The following CTTN variants were observed in gnomAD, a reference collection of about 807,000 sequenced individuals.
The protein encoded by CTTN is cortactin.
CTTN carries 28 observed loss-of-function variants against 84.0 expected under a neutral mutation model. That is an observed-to-expected ratio of 0.33 (90% CI 0.25 to 0.46). CTTN has a LOEUF of 0.46. Among genes scored for constraint, CTTN ranks in the 20% least tolerant of loss-of-function variants. CTTN has a pLI of 1.00. For missense variants in CTTN, 641 were observed against 723.8 expected (o/e 0.89, Z 1.31); for synonymous variants, 301 against 288.8 (o/e 1.04, Z -0.43).
intron 13 of CTTN, 31 bp downstream of exon 13, chr11:70,425,432 G>A: frequency 1.9e-6 from 3 of 1,575,462 alleles, no homozygotes; most frequent in Non-Finnish European, 2.6e-6. Context: ...GGAGCACCGT[G>A]TGGTTTCCCA....
intron 2 of CTTN, 47 bp from the exon 3 acceptor site, chr11:70,407,251 G>T: frequency 1.3e-6 from 2 of 1,508,764 alleles, no homozygotes; most frequent in African/African-American, 1.4e-5. Context: ...TGGCCTCTGT[G>T]GATGGCGCCC....
intron 5 of CTTN, chr11:70,410,320 A>G (rs1463047111): frequency 4.9e-6 from 1 of 202,646 alleles, no homozygotes; most frequent in African/African-American, 2.3e-5. Context: ...AAGTCATGCC[A>G]GTCCGAAGAC....
At chr11:70,428,627 T>G (rs190603734) in intron 13 of CTTN, among the ~76,000 whole-genome samples, 2 of 152,322 alleles carry the variant, frequency 1.3e-5, no homozygotes, top group East Asian at 3.9e-4. Flanking sequence ...TTTTCCATTT[T>G]TGTCACACAC....
intron 13 of CTTN, among the ~76,000 whole-genome samples, chr11:70,426,645 C>T (rs928335036): frequency 1.3e-5 from 2 of 150,646 alleles, no homozygotes; most frequent in Admixed American, 1.3e-4. Flanking sequence ...TGCAGTGGCG[C>T]GGACTCGGCT....
intron 1 of CTTN, among the ~76,000 whole-genome samples, chr11:70,404,314 T>C (rs968253548): frequency 6.6e-6 from 1 of 152,170 alleles, no homozygotes; most frequent in South Asian, 2.1e-4. Flanking sequence ...TTCGTCCATG[T>C]GTGTTGTCTA....
rs528954960 is a variant in CTTN at position 70,420,225 on chromosome 11, G to A, written c.680-175G>A. The A allele has an allele frequency of 3.4e-5, 21 of 621,136 alleles. No individual in the cohort carries two copies. In the South Asian group the frequency reaches 3.7e-4, roughly 11 times the overall value. The allele number at this position is 621,136 out of a possible 1,614,324, so 38.5% of individuals were successfully genotyped here. On this transcript the variant is annotated intron_variant, in intron 9 of 17. Coordinates refer to ENST00000301843, the MANE Select transcript of CTTN (RefSeq NM_005231.4). Reference sequence around the variant, plus strand: ...GAGGTCATAGACTAGGTTATTTCCTGCCACTCTCCAAGGAGGGCCTCTTCA... The same window carrying A: ...GAGGTCATAGACTAGGTTATTTCCTACCACTCTCCAAGGAGGGCCTCTTCA...
intron 2 of CTTN, among the ~76,000 whole-genome samples, chr11:70,405,706 T>C (rs11236166): frequency 0.31 from 46,557 of 152,012 alleles, 8,605 homozygotes; most frequent in African/African-American, 0.52. Context: ...GGTGAAGCTG[T>C]GTCCGGGAAG....
Position 70,407,598 on chromosome 11 carries a change from G to A in CTTN, c.161+7G>A, listed in dbSNP as rs752516344. The A allele has an allele frequency of 4.3e-6, 7 of 1,612,660 alleles. No homozygotes were observed. In the African/African-American group the frequency reaches 9.3e-5, roughly 22 times the overall value. ...GGCACCAGGAGCATATCAAGTAAGA[G>A]GCGTCGCCACCACCCTCCCGAGGGC... On this transcript the variant is annotated splice_region_variant and intron_variant, in intron 4 of 17. Transcript: ENST00000301843.
chr11:70,414,686 G>C (rs534738862), intron 6 of CTTN, 34 bp downstream of exon 6: 2 of 1,495,576 alleles, frequency 1.3e-6, no homozygotes, highest in Non-Finnish European at 1.9e-6. Context: ...GGGGCAGGTT[G>C]GGGCAAGGGG....
chr11:70,415,752 G>T, intron 7 of CTTN, 35 bp downstream of exon 7: 1 of 1,609,608 alleles, frequency 6.2e-7, no homozygotes, highest in South Asian at 1.1e-5. Flanking sequence ...AGCCCGCTCC[G>T]GGGGCCCCGA....
In CTTN at chr11:70,435,124, G is replaced by C; in HGVS notation, c.1615G>C (p.Gly539Arg). The part of the protein sequence containing the change: ...WWRGVCKGRY[G>R]LFPANYVELR... ...GCGCGGGGTGTGCAAGGGCCGGTAC[G>C]GGCTCTTCCCAGCCAACTATGTGGA... is the stretch of plus-strand genomic sequence containing the variant. Residue 539 changes from glycine (G) to arginine (R), a missense_variant, in exon 18 of 18, where the codon GGG (glycine) becomes CGG (arginine). Coordinates refer to ENST00000301843, the MANE Select transcript of CTTN (RefSeq NM_005231.4). 1 of 1,613,308 alleles carries C rather than the reference G, an allele frequency of 6.2e-7. No individual in the cohort carries two copies. Among genetic ancestry groups the C allele is most frequent in the Non-Finnish European group, 8.5e-7 (1 of 1,179,938 alleles).
intron 2 of CTTN, 141 bp downstream of exon 2, chr11:70,405,502 A>G (rs760114171): frequency 6.6e-6 from 1 of 152,208 alleles, no homozygotes; most frequent in South Asian, 2.1e-4. Flanking sequence ...AGGAAATTTC[A>G]TTGTTTAAAA....
rs745655495 is a variant in CTTN, at chr11:70,425,336, C to T, written c.962C>T (p.Ala321Val). The T allele has an allele frequency of 8.7e-6, 14 of 1,611,706 alleles. No homozygotes were observed. The highest frequency in any genetic ancestry group is 2.2e-5 in the East Asian group (1 of 44,874). Reference protein sequence around the residue: ...GVQKDRMDKNASTFEDVTQVS... With the variant: ...GVQKDRMDKNVSTFEDVTQVS... ...GCCCATGTCCTGTCTCTGCAGAATG[C>T]GTCAACCTTTGAGGATGTCACCCAG... Residue 321 changes from alanine (A) to valine (V), a missense_variant, in exon 13 of 18, where the codon GCG (alanine) becomes GTG (valine). This residue lies in a region of CTTN where 289 missense variants were observed against 273.1 expected (regional missense o/e 1.06). Coordinates refer to ENST00000301843, the MANE Select transcript of CTTN (RefSeq NM_005231.4).
chr11:70,414,515 A>G, intron 5 of CTTN, 27 bp from the exon 6 acceptor site: 1 of 1,558,764 alleles, frequency 6.4e-7, no homozygotes, highest in Non-Finnish European at 8.8e-7. Context: ...TTGGTGTCTA[A>G]TGCTTTGTGT....
chr11:70,431,274 C>G lies in CTTN; in HGVS notation c.1260C>G (p.Val420=). 2 of 1,614,138 alleles carry G rather than the reference C, an allele frequency of 1.2e-6. No homozygotes were observed. The highest frequency in any genetic ancestry group is 2.2e-5 in the East Asian group (1 of 44,868). ...PTEERLPSSP[V]YEDAASFKAE... ...AGGAGAGGCTGCCCTCGAGCCCCGT[C>G]TATGAGGTTGGTGTCTTTGGTGTTT... The change falls in exon 15 of 18, where the codon GTC becomes GTG. Residue 420 remains valine (V), a synonymous_variant. Transcript: ENST00000301843.
intron 6 of CTTN, among the ~76,000 whole-genome samples, chr11:70,415,067 G>C (rs556605576): frequency 1.4e-4 from 22 of 152,272 alleles, no homozygotes; most frequent in Non-Finnish European, 2.5e-4. Flanking sequence ...TCCTAGGCCC[G>C]AGCCTCTTTG....
At chr11:70,410,676 G>A (rs1054344374) in intron 5 of CTTN, among the ~76,000 whole-genome samples, 6 of 152,194 alleles carry the variant, frequency 3.9e-5, no homozygotes, top group Admixed American at 6.5e-5. Context: ...GGAAGAGATC[G>A]CAGTGTGTTT....
intron 13 of CTTN, among the ~76,000 whole-genome samples, chr11:70,427,122 G>C (rs2058308674): frequency 6.6e-6 from 1 of 151,836 alleles, no homozygotes; most frequent in Non-Finnish European, 1.5e-5. Context: ...GGCCGAGGTG[G>C]GTGGATCACC....
At chr11:70,414,437 C>G (rs553568885) in intron 5 of CTTN, 105 bp from the exon 6 acceptor site, 2 of 802,420 alleles carry the variant, frequency 2.5e-6, no homozygotes, top group African/African-American at 1.7e-5. Context: ...TGTAAGGTTT[C>G]CCTGCACTGA....
Sources: allele counts gnomAD v4.1 joint callset (sites outside exome capture counted in the v4.1 genomes callset), GRCh38; gene constraint gnomAD v4.1.1; regional missense constraint gnomAD v4.1.1; transcripts MANE v1.5; gene names NCBI Gene and HGNC (gene_info 2026-07-23, HGNC 2026-07-21).